CCDC142: variants seen among roughly 807,000 people sequenced by gnomAD.
The protein encoded by CCDC142 is coiled-coil domain containing 142, also known as coiled-coil domain-containing protein 142.
Under a neutral mutation model 83.8 loss-of-function variants are expected in CCDC142, and 67 were observed. The observed-to-expected ratio is 0.80, with a 90% confidence interval of 0.66 to 0.98. CCDC142 has a LOEUF of 0.98. Among genes scored for constraint, CCDC142 ranks in the 50% least tolerant of loss-of-function variants. The pLI is 0.00. For missense variants in CCDC142, 905 were observed against 946.8 expected (o/e 0.96, Z 0.58); for synonymous variants, 421 against 421.2 (o/e 1.00, Z 0.01).
chr2:74,476,485 A>G (rs865898576), intron 5 of CCDC142, among the ~76,000 whole-genome samples: 5 of 152,206 alleles, frequency 3.3e-5, no homozygotes, highest in Non-Finnish European at 7.3e-5. Context: ...CCAGCCTACA[A>G]TGATCTTTTG....
At chr2:74,476,620 T>C (rs1672332716) in intron 5 of CCDC142, among the ~76,000 whole-genome samples, 1 of 152,234 alleles carries the variant, frequency 6.6e-6, no homozygotes, top group African/African-American at 2.4e-5. Flanking sequence ...TATATTATTA[T>C]TCTTCACAGC....
In CCDC142 at chr2:74,481,163, G is replaced by C; in HGVS notation, c.1258+60C>G. ...GGGAAGAGGCAGATTTCAGAACAGA[G>C]TGAAAGAAAAGAGATATCCTCAACT... On this transcript the variant is annotated intron_variant, in intron 3 of 8. Transcript: ENST00000393965. 2.5e-6 allele frequency: 4 copies of C among 1,611,380 alleles called. No individual in the cohort carries two copies. The South Asian group carries it at 4.4e-5, about 18-fold the overall frequency.
At chr2:74,480,747 C>T (rs1020974820) in intron 5 of CCDC142, 22 bp downstream of exon 5, 2 of 1,562,054 alleles carry the variant, frequency 1.3e-6, no homozygotes, top group Non-Finnish European at 1.8e-6. Flanking sequence ...TACACTGCCA[C>T]TGTTGAGGCC....
chr2:74,476,548 C>G (rs1018700157), intron 5 of CCDC142, among the ~76,000 whole-genome samples: 2 of 152,098 alleles, frequency 1.3e-5, no homozygotes, highest in Non-Finnish European at 2.9e-5. Flanking sequence ...GAAGCAATGA[C>G]TATTTGAATG....
rs750829558 is a variant in CCDC142 at position 74,475,604 on chromosome 2, G to C, written c.1618+8C>G. 1 of 1,606,060 alleles carries C rather than the reference G, an allele frequency of 6.2e-7. No individual in the cohort carries two copies. Among genetic ancestry groups the C allele is most frequent in the Non-Finnish European group, 8.5e-7 (1 of 1,173,428 alleles). ...ACTCTGGAAGGAGAAGCTGGGATGA[G>C]GAGTTACCAGGACAGAGACGAAGCC... is the stretch of plus-strand genomic sequence containing the variant. On this transcript the variant is annotated splice_region_variant and intron_variant, in intron 6 of 8. Coordinates refer to ENST00000393965, the MANE Select transcript of CCDC142 (RefSeq NM_001365575.2).
rs1364956151 is a variant in CCDC142 at position 74,482,642 on chromosome 2, C to A, written c.196G>T (p.Asp66Tyr). Residue 66 changes from aspartate to tyrosine, a missense_variant, in exon 1 of 9, where the codon GAC (aspartate) becomes TAC (tyrosine). This residue lies in a region of CCDC142 where 591 missense variants were observed against 571.4 expected (regional missense o/e 1.03). Transcript: ENST00000393965. This position sits in a 1 kb window ranked among gnomAD's most constrained non-coding sequence, Gnocchi z 5.0. The part of the protein sequence containing the change: ...WWPTPADVSE[D>Y]YEADAAAWRR... ...CAGGCCGCAGCATCAGCCTCGTAGT[C>A]CTCGCTCACATCCGCCGGCGTCGGC... 6.2e-7 allele frequency: 1 copy of A among 1,611,892 alleles called. No homozygotes were observed. The highest frequency in any genetic ancestry group is 1.3e-5 in the African/African-American group (1 of 75,072).
At position 74,475,249 on chromosome 2, in the gene CCDC142, A is replaced by C; in HGVS notation, c.1772T>G (p.Ile591Ser). 3.1e-6 allele frequency: 5 copies of C among 1,614,142 alleles called. No individual in the cohort carries two copies. Among genetic ancestry groups the C allele is most frequent in the Non-Finnish European group, 4.2e-6 (5 of 1,180,010 alleles). Residue 591 changes from isoleucine to serine, a missense_variant, in exon 7 of 9, where the codon ATT becomes AGT. Physicochemically the swap from Ile to Ser is moderately radical, Grantham distance 142. This residue lies in a region of CCDC142 where 265 missense variants were observed against 288.9 expected (regional missense o/e 0.92). Transcript: ENST00000393965. ...TAIVGAWLDH[I>S]LTHGIRFSLQ... ...CCTGAACCGAATCCCATGGGTAAGA[A>C]TGTGGTCAAGCCAGGCACCCACGAT...
In CCDC142 at chr2:74,474,325, C is replaced by T. The variant is rs534362179; in HGVS notation, c.*221G>A. ...GTCTTGATCTCCTGACCTCATGATC[C>T]GCCTGCCTCGGTCTCCCAAAGTGCT... On this transcript the variant is annotated 3_prime_UTR_variant, in exon 9 of 9. Coordinates refer to ENST00000393965, the MANE Select transcript of CCDC142 (RefSeq NM_001365575.2). 5 of 488,794 alleles carry T rather than the reference C, an allele frequency of 1.0e-5. No individual in the cohort carries two copies. The highest frequency in any genetic ancestry group is 4.0e-5 in the African/African-American group (2 of 50,514). 30.3% of individuals were successfully genotyped at this position (488,794 alleles called of 1,614,324 possible).
In CCDC142 at chr2:74,475,377, A is replaced by G. The variant is rs1672300628; in HGVS notation, c.1644T>C (p.Tyr548=). The change falls in exon 7 of 9, where the codon TAT becomes TAC. Residue 548 remains tyrosine (Y), a synonymous_variant. Transcript: ENST00000393965. The part of the protein sequence containing the change: ...CPEPPSAPSE[Y]AGLVVRTVLE... ...GTACGGTGCGGACCACTAAACCAGC[A>G]TACTCACTAGGAGCACTGGGAGGTT... 1.3e-6 allele frequency: 2 copies of G among 1,596,196 alleles called. No homozygotes were observed. Among genetic ancestry groups the G allele is most frequent in the Non-Finnish European group, 1.7e-6 (2 of 1,170,684 alleles).
rs1672444512 is a variant in CCDC142 at position 74,481,249 on chromosome 2, A to G, written c.1232T>C (p.Leu411Ser). The part of the protein sequence containing the change: ...PLLDALREPR[L>S]RRIFCQPADP... ...TGCAGGCTGGCAGAAAATCCGTCGT[A>G]ACCTGGGCTCTCGAAGGGCATCCAA... Residue 411 changes from leucine (L) to serine (S), a missense_variant, in exon 3 of 9, where the codon TTA becomes TCA. Leu to Ser is a moderately radical substitution (Grantham distance 145). Around this residue, in one of 3 missense-constraint regions of CCDC142, gnomAD observed 591 missense variants for 571.4 expected, o/e 1.03. Transcript: ENST00000393965. 6.2e-7 allele frequency: 1 copy of G among 1,613,958 alleles called. No individual in the cohort carries two copies. Among genetic ancestry groups the G allele is most frequent in the Admixed American group, 1.7e-5 (1 of 60,006 alleles).
At position 74,481,266 on chromosome 2, in the gene CCDC142, G is replaced by C; in HGVS notation, c.1215C>G (p.Ala405=). ...LQQLFPPLLD[A]LREPRLRRIF... ...TCCGTCGTAACCTGGGCTCTCGAAGGGCATCCAAGAGAGGAGGAAAGAGCT... is the reference window on the plus strand; with the variant it reads ...TCCGTCGTAACCTGGGCTCTCGAAGCGCATCCAAGAGAGGAGGAAAGAGCT... Residue 405 remains alanine, a synonymous_variant, in exon 3 of 9, where the codon GCC becomes GCG. Coordinates refer to ENST00000393965, the MANE Select transcript of CCDC142 (RefSeq NM_001365575.2). 1 of 1,614,110 alleles carries C rather than the reference G, an allele frequency of 6.2e-7. No homozygotes were observed. The highest frequency in any genetic ancestry group is 8.5e-7 in the Non-Finnish European group (1 of 1,180,014).
rs1169664266 is a variant in CCDC142, at chr2:74,482,248, C to T, written c.590G>A (p.Gly197Asp). Reference sequence around the variant, plus strand: ...CAGCTCGGCGAGTTGGGACGACAGGCCCGGGCTGGCGGGCTCCCGGCCGAG... The same window carrying T: ...CAGCTCGGCGAGTTGGGACGACAGGTCCGGGCTGGCGGGCTCCCGGCCGAG... ...RALGREPASP[G>D]LSSQLAELLF... Residue 197 changes from glycine to aspartate, a missense_variant, in exon 1 of 9, where the codon GGC (glycine) becomes GAC (aspartate). Physicochemically the swap from Gly to Asp is moderately conservative, Grantham distance 94 (BLOSUM62 -1). Coordinates refer to ENST00000393965, the MANE Select transcript of CCDC142 (RefSeq NM_001365575.2). This position sits in a 1 kb window ranked among gnomAD's most constrained non-coding sequence, Gnocchi z 5.0. 2 of 1,613,190 alleles carry T rather than the reference C, an allele frequency of 1.2e-6. No homozygotes were observed. Among genetic ancestry groups the T allele is most frequent in the Non-Finnish European group, 1.7e-6 (2 of 1,179,874 alleles).
In CCDC142 at chr2:74,474,668, C is replaced by T; in HGVS notation, c.2131G>A (p.Gly711Arg). The T allele has an allele frequency of 6.2e-7, 1 of 1,614,220 alleles. No homozygotes were observed. Among genetic ancestry groups the T allele is most frequent in the Non-Finnish European group, 8.5e-7 (1 of 1,180,048 alleles). ...ACCAGGTAGCCCTCCGGGCTAGGTC[C>T]CCTTCCTCCTAGTGTGCTTTGCAGC... Reference protein sequence around the residue: ...GQLQSTLGGRGPSPEGYLVGN... With the variant: ...GQLQSTLGGRRPSPEGYLVGN... Residue 711 changes from glycine (G) to arginine (R), a missense_variant, in exon 9 of 9, where the codon GGA (glycine) becomes AGA (arginine). Physicochemically the swap from Gly to Arg is moderately radical, Grantham distance 125. This residue lies in a region of CCDC142 where 265 missense variants were observed against 288.9 expected (regional missense o/e 0.92). Coordinates refer to ENST00000393965, the MANE Select transcript of CCDC142 (RefSeq NM_001365575.2).
In CCDC142 at chr2:74,474,715, G is replaced by C; in HGVS notation, c.2084C>G (p.Thr695Arg). ...ESLEPPLQPGTSPAQTGQLQS... is the reference protein window; with the variant it reads ...ESLEPPLQPGRSPAQTGQLQS... ...CAGCTGACCTGTCTGGGCTGGAGAT[G>C]TTCCAGGCTGGAGCGGGGGCTCCAA... Residue 695 changes from threonine to arginine, a missense_variant, in exon 9 of 9, where the codon ACA (threonine) becomes AGA (arginine). By Grantham distance (71) the Thr-to-Arg change is moderately conservative. Transcript: ENST00000393965. The C allele has an allele frequency of 6.2e-7, 1 of 1,614,232 alleles. No homozygotes were observed. Among genetic ancestry groups the C allele is most frequent in the Non-Finnish European group, 8.5e-7 (1 of 1,180,044 alleles).
chr2:74,475,495 A>C, intron 6 of CCDC142, 93 bp from the exon 7 acceptor site: 1 of 1,466,518 alleles, frequency 6.8e-7, no homozygotes, highest in Non-Finnish European at 9.3e-7. Context: ...TCAGGAGGGA[A>C]GGGTACAGAA....
In CCDC142 at chr2:74,473,387, C is replaced by G. The variant is rs529238618; in HGVS notation, c.*1159G>C. On this transcript the variant is annotated 3_prime_UTR_variant, in exon 9 of 9. Coordinates refer to ENST00000393965, the MANE Select transcript of CCDC142 (RefSeq NM_001365575.2). Reference sequence around the variant, plus strand: ...CCAGGCAGGAGTGCAGTGGCGCGATCTCGGCTCACTGCAATCTCTGCCTCC... The same window carrying G: ...CCAGGCAGGAGTGCAGTGGCGCGATGTCGGCTCACTGCAATCTCTGCCTCC... The G allele has an allele frequency of 6.6e-6, 1 of 152,548 alleles. No individual in the cohort carries two copies. The highest frequency in any genetic ancestry group is 1.9e-4 in the East Asian group (1 of 5,188). 9.4% of individuals were successfully genotyped at this position (152,548 alleles called of 1,614,324 possible).
chr2:74,480,956 AG>A lies in CCDC142; in HGVS notation c.1388del (p.Pro463LeufsTer19), dbSNP rs1339242079. On this transcript the variant is annotated frameshift_variant and splice_region_variant, in exon 4 of 9. Coordinates refer to ENST00000393965, the MANE Select transcript of CCDC142 (RefSeq NM_001365575.2). LOFTEE classifies it high-confidence loss of function. ...CCCTCCCTACTCCCCAGCCACTCAC[AG>A]GTAAGTCCTTTTGGATCAGGAGCAG... ...SFLLLIQKDL[P>X]PLLHEAEALY... 2 of 1,613,782 alleles carry A rather than the reference AG, an allele frequency of 1.2e-6. No homozygotes were observed. The highest frequency in any genetic ancestry group is 2.2e-5 in the East Asian group (1 of 44,884).
chr2:74,481,431 C>G (rs1672454734), intron 2 of CCDC142, 21 bp downstream of exon 2: 2 of 1,614,028 alleles, frequency 1.2e-6, no homozygotes, highest in East Asian at 4.5e-5. Flanking sequence ...TATGTCACCC[C>G]CAGTGCCCCT....
intron 5 of CCDC142, among the ~76,000 whole-genome samples, chr2:74,479,834 G>A (rs1305401066): frequency 2.0e-5 from 3 of 152,044 alleles, no homozygotes; most frequent in Admixed American, 6.6e-5. Flanking sequence ...TGGTGGTCTC[G>A]AACTCCTGGC....
Sources: gnomAD v4.1 joint callset for allele counts (sites outside exome capture counted in the v4.1 genomes callset) on GRCh38, gnomAD v4.1.1 for gene constraint, gnomAD v4.1.1 regional missense constraint, Gnocchi (gnomAD v3.1) non-coding constraint, MANE v1.5 for transcripts, NCBI Gene and HGNC (gene_info 2026-07-23, HGNC 2026-07-21) for gene names.